Variants in SGCD observed in about 807,000 individuals in gnomAD.
SGCD encodes the protein sarcoglycan delta.
Under a neutral mutation model 36.6 loss-of-function variants are expected in SGCD, and 18 were observed. That is an observed-to-expected ratio of 0.49 (90% CI 0.34 to 0.73). The LOEUF is 0.73. Among genes scored for constraint, SGCD ranks in the 30% least tolerant of loss-of-function variants. The pLI, the probability that SGCD is intolerant of heterozygous loss-of-function variation, is 0.01. For synonymous variants in SGCD, 133 were observed against 130.6 expected (o/e 1.02, Z -0.12); for missense variants, 387 against 346.7 (o/e 1.12, Z -0.92).
intron 1 of SGCD, among the ~76,000 whole-genome samples, chr5:156,002,088 C>T (rs1016985066): frequency 2.6e-5 from 4 of 152,314 alleles, no homozygotes; most frequent in Middle Eastern, 3.4e-3. Flanking sequence ...ATTCATATGT[C>T]GACTCCAACC....
At position 156,267,256 on chromosome 5, in the gene SGCD, A is replaced by T. The variant is rs1430121263; in HGVS notation, c.-43-62278A>T. Among the ~76,000 whole-genome samples, 8 of 152,308 alleles carry T rather than the reference A, an allele frequency of 5.3e-5. No individual in the cohort carries two copies. The South Asian group carries it at 1.7e-3, about 32-fold the overall frequency. Reference sequence around the variant, plus strand: ...CATCTTAAGTCTTCCTGTTGTTGAGACTGTGAAATTTACACTATTCTCATT... The same window carrying T: ...CATCTTAAGTCTTCCTGTTGTTGAGTCTGTGAAATTTACACTATTCTCATT... On this transcript the variant is annotated intron_variant, in intron 3 of 9. Coordinates refer to the SGCD transcript ENST00000517913.
chr5:155,848,474 A>G, the SGCD span, among the ~76,000 whole-genome samples: 9 of 152,176 alleles, frequency 5.9e-5, no homozygotes. Context: ...CCCCTGGAAT[A>G]TGCTGCATTC....
In SGCD at chr5:156,509,482, A is replaced by G. The variant is rs958544387; in HGVS notation, c.294+780A>G. ...ATTCTGAAATGGTATTTAAATAATC[A>G]CTACAGAGTGTGTACCCTGTTCTAG... On this transcript the variant is annotated intron_variant, in intron 4 of 8. Transcript: ENST00000337851. Among the ~76,000 whole-genome samples the G allele has an allele frequency of 7.2e-5, 11 of 152,228 alleles. 1 individual carries two copies. The highest frequency in any genetic ancestry group is 7.2e-4 in the Admixed American group (11 of 15,284).
At chr5:156,229,286 A>ATATATATATATATATATGTG (rs1229174444) in intron 3 of SGCD, among the ~76,000 whole-genome samples, 2 of 110,450 alleles carry the variant, frequency 1.8e-5, no homozygotes, top group African/African-American at 8.1e-5. Flanking sequence ...ACATATATAT[A>ATATATATATATATATATGTG]TATATATATA....
chr5:156,689,368 A>G (rs1310815140), intron 7 of SGCD, among the ~76,000 whole-genome samples: 1 of 152,180 alleles, frequency 6.6e-6, no homozygotes, highest in East Asian at 1.9e-4. Flanking sequence ...GGCACATGGA[A>G]TTCCCGAAGA....
At chr5:156,435,273 GC>G (rs1459059534) in intron 3 of SGCD, among the ~76,000 whole-genome samples, 2 of 152,154 alleles carry the variant, frequency 1.3e-5, no homozygotes, top group Admixed American at 1.3e-4. Flanking sequence ...TTTAATTTGT[GC>G]CCTAGACACA....
At chr5:156,714,972 A>C (rs1371034232) in intron 7 of SGCD, among the ~76,000 whole-genome samples, 1 of 152,192 alleles carries the variant, frequency 6.6e-6, no homozygotes, top group Non-Finnish European at 1.5e-5. Flanking sequence ...GCACTGTTCT[A>C]CCGTTGACTG....
At chr5:155,767,812 C>T in the SGCD span, among the ~76,000 whole-genome samples, 4 of 152,172 alleles carry the variant, frequency 2.6e-5, no homozygotes, top group African/African-American at 7.2e-5. Flanking sequence ...GTTTCCCAAA[C>T]GTCACCCATT....
At chr5:156,508,107 G>C (rs552748306) in intron 3 of SGCD, among the ~76,000 whole-genome samples, 2 of 152,036 alleles carry the variant, frequency 1.3e-5, no homozygotes, top group African/African-American at 4.8e-5. Flanking sequence ...TATTATTTCC[G>C]TAACAAAATA....
chr5:156,633,141 C>T (rs1283776006), intron 6 of SGCD, among the ~76,000 whole-genome samples: 1 of 152,138 alleles, frequency 6.6e-6, no homozygotes, highest in African/African-American at 2.4e-5. Context: ...GGCTGCCAGC[C>T]CCAAACCTAT....
intron 7 of SGCD, among the ~76,000 whole-genome samples, chr5:156,697,010 C>G (rs369652759): frequency 4.6e-5 from 7 of 151,624 alleles, no homozygotes; most frequent in South Asian, 2.1e-4. Flanking sequence ...GAGTGTCTGG[C>G]TATTCTCTGG....
chr5:156,330,018 A>G (rs1227983576), intron 2 of SGCD, among the ~76,000 whole-genome samples: 3 of 144,906 alleles, frequency 2.1e-5, no homozygotes, highest in African/African-American at 7.7e-5. Context: ...TTCAGTCTCA[A>G]AAAAAAAAAA....
chr5:155,805,155 T>C, the SGCD span, among the ~76,000 whole-genome samples: 5 of 152,188 alleles, frequency 3.3e-5, no homozygotes, highest in Non-Finnish European at 5.9e-5. Context: ...AGATATAAAT[T>C]TAACATTTAC....
chr5:155,854,936 G>A, the SGCD span, among the ~76,000 whole-genome samples: 1 of 152,182 alleles, frequency 6.6e-6, no homozygotes, highest in East Asian at 1.9e-4. Context: ...CTTTAAAAAA[G>A]TCCAACGGCC....
At chr5:156,547,160 C>A (rs1191820794) in intron 4 of SGCD, among the ~76,000 whole-genome samples, 1 of 152,152 alleles carries the variant, frequency 6.6e-6, no homozygotes, top group Non-Finnish European at 1.5e-5. Context: ...AGTTTCTCAG[C>A]CTCAGAACTA....
At chr5:155,801,624 G>A in the SGCD span, among the ~76,000 whole-genome samples, 5 of 152,172 alleles carry the variant, frequency 3.3e-5, no homozygotes, top group Non-Finnish European at 5.9e-5. Flanking sequence ...AGAACAAATG[G>A]TGTAGGTGGC....
At chr5:155,991,421 G>A (rs958670355) in intron 1 of SGCD, among the ~76,000 whole-genome samples, 5 of 152,136 alleles carry the variant, frequency 3.3e-5, no homozygotes, top group African/African-American at 9.7e-5. Flanking sequence ...GCATGACACT[G>A]AGTGTGAATT....
chr5:156,426,515 GTT>G (rs1773677622), intron 3 of SGCD, among the ~76,000 whole-genome samples: 1 of 151,912 alleles, frequency 6.6e-6, no homozygotes, highest in African/African-American at 2.4e-5. Context: ...CACACTCTAG[GTT>G]GTCTCTTTGC....
At chr5:156,714,818 A>C (rs1755148621) in intron 7 of SGCD, among the ~76,000 whole-genome samples, 1 of 152,370 alleles carries the variant, frequency 6.6e-6, no homozygotes, top group Middle Eastern at 3.4e-3. Context: ...GCCATTCAGA[A>C]CACAAATCTT....
Sources: allele counts gnomAD v4.1 joint callset (sites outside exome capture counted in the v4.1 genomes callset), GRCh38; gene constraint gnomAD v4.1.1; transcripts MANE v1.5; gene names NCBI Gene and HGNC (gene_info 2026-07-23, HGNC 2026-07-21).